The following STAG1 variants were observed in gnomAD, a reference collection of about 807,000 sequenced individuals.
The protein encoded by STAG1 is cohesin subunit SA-1.
Under a neutral mutation model 170.9 loss-of-function variants are expected in STAG1, and 26 were observed. That is an observed-to-expected ratio of 0.15 (90% CI 0.11 to 0.21). STAG1 has a LOEUF of 0.21. Among genes scored for constraint, STAG1 ranks in the 10% least tolerant of loss-of-function variants. STAG1 has a pLI of 1.00. For synonymous variants in STAG1, 514 were observed against 497.7 expected (o/e 1.03, Z -0.44); for missense variants, 964 against 1,509.5 (o/e 0.64, Z 5.99).
At chr3:136,690,562 T>C (rs746484406) in intron 1 of STAG1, among the ~76,000 whole-genome samples, 2 of 152,094 alleles carry the variant, frequency 1.3e-5, no homozygotes, top group Non-Finnish European at 2.9e-5. Context: ...CTATAACATT[T>C]TACAATCATG....
chr3:136,515,540 G>C (rs1934327652), intron 7 of STAG1, among the ~76,000 whole-genome samples: 1 of 152,064 alleles, frequency 6.6e-6, no homozygotes, highest in Non-Finnish European at 1.5e-5. Flanking sequence ...TAAAGACGAA[G>C]AAAGGCACAG....
intron 1 of STAG1, among the ~76,000 whole-genome samples, chr3:136,663,208 G>A (rs751996986): frequency 6.6e-6 from 1 of 152,066 alleles, no homozygotes; most frequent in Non-Finnish European, 1.5e-5. Context: ...GTATGGATGA[G>A]TATAGTTATG....
chr3:136,365,042 A>G (rs1003155351), intron 25 of STAG1, among the ~76,000 whole-genome samples: 8 of 152,210 alleles, frequency 5.3e-5, no homozygotes, highest in East Asian at 1.9e-4. Context: ...ACATAGCCAT[A>G]TATCAGAAGA....
At position 136,337,668 on chromosome 3, in the gene STAG1, A is replaced by G. The variant is rs1460610167; in HGVS notation, c.*586T>C. Reference sequence around the variant, plus strand: ...GTGTGGTTTTTGGCAGAGATGTACTATGTCAGAATTTCATCTTAGCTTGTC... The same window carrying G: ...GTGTGGTTTTTGGCAGAGATGTACTGTGTCAGAATTTCATCTTAGCTTGTC... On this transcript the variant is annotated 3_prime_UTR_variant, in exon 34 of 34. Coordinates refer to ENST00000383202, the MANE Select transcript of STAG1 (RefSeq NM_005862.3). 6.5e-6 allele frequency: 1 copy of G among 152,672 alleles called. No homozygotes were observed. The highest frequency in any genetic ancestry group is 1.5e-5 in the Non-Finnish European group (1 of 68,038). 9.5% of individuals were successfully genotyped at this position (152,672 alleles called of 1,614,324 possible). A position where few individuals can be genotyped will look rare whatever the true frequency, so the allele number is the denominator to read the frequency against.
chr3:136,525,779 G>C (rs529036777), intron 6 of STAG1, among the ~76,000 whole-genome samples: 16 of 152,336 alleles, frequency 1.1e-4, no homozygotes, highest in African/African-American at 3.8e-4. Context: ...GTGTCCCAGA[G>C]ATTCTGGTAT....
intron 6 of STAG1, among the ~76,000 whole-genome samples, chr3:136,533,207 G>A (rs1163670383): frequency 4.6e-5 from 7 of 151,930 alleles, no homozygotes; most frequent in African/African-American, 1.7e-4. Context: ...CTAAAGTGAA[G>A]GATCTCTATA....
At chr3:136,493,669 A>C (rs944441850) in intron 9 of STAG1, among the ~76,000 whole-genome samples, 1 of 151,538 alleles carries the variant, frequency 6.6e-6, no homozygotes, top group Non-Finnish European at 1.5e-5. Flanking sequence ...AAAAAAAAAA[A>C]AAAAACAACA....
At chr3:136,680,251 A>C (rs1486016682) in intron 1 of STAG1, among the ~76,000 whole-genome samples, 1 of 152,204 alleles carries the variant, frequency 6.6e-6, no homozygotes, top group Non-Finnish European at 1.5e-5. Context: ...TCAGAGCGAG[A>C]CCCTGTCTCA....
At chr3:136,493,798 A>G (rs1014769970) in intron 9 of STAG1, among the ~76,000 whole-genome samples, 1 of 151,424 alleles carries the variant, frequency 6.6e-6, no homozygotes, top group Non-Finnish European at 1.5e-5. Context: ...AAACTGAGAA[A>G]GACAAAAGAG....
chr3:136,581,271 G>C (rs1937585595), intron 4 of STAG1, among the ~76,000 whole-genome samples: 1 of 152,144 alleles, frequency 6.6e-6, no homozygotes, highest in African/African-American at 2.4e-5. Flanking sequence ...GAAGTTTTAT[G>C]ATACAATCTA....
intron 14 of STAG1, among the ~76,000 whole-genome samples, chr3:136,449,749 T>C (rs1041685097): frequency 6.6e-6 from 1 of 152,282 alleles, no homozygotes; most frequent in East Asian, 1.9e-4. Flanking sequence ...TAAGTACTCA[T>C]GCCTTTTAAT....
chr3:136,540,627 G>A (rs917338801), intron 6 of STAG1, among the ~76,000 whole-genome samples: 23 of 151,670 alleles, frequency 1.5e-4, no homozygotes, highest in African/African-American at 5.3e-4. Flanking sequence ...TTCCAGATCA[G>A]CCTGGACAAC....
intron 1 of STAG1, among the ~76,000 whole-genome samples, chr3:136,662,170 G>A (rs1941606112): frequency 7.1e-6 from 1 of 141,208 alleles, no homozygotes; most frequent in African/African-American, 2.7e-5. Flanking sequence ...TTTTTTTTTG[G>A]AGATGGAGTC....
At chr3:136,488,832 A>G (rs1337037122) in intron 9 of STAG1, among the ~76,000 whole-genome samples, 3 of 152,236 alleles carry the variant, frequency 2.0e-5, no homozygotes, top group Admixed American at 6.5e-5. Flanking sequence ...TGATATAAAC[A>G]TATTTCCTCA....
rs191238208 is a variant in STAG1, at chr3:136,617,742, T to C, written c.132+5404A>G. Reference sequence around the variant, plus strand: ...AGACATCTGCCACCACATTGTAACATGGTGGTTCCTATCACAACGCTGGGT... The same window carrying C: ...AGACATCTGCCACCACATTGTAACACGGTGGTTCCTATCACAACGCTGGGT... On this transcript the variant is annotated intron_variant, in intron 3 of 33. Transcript: ENST00000383202. Among the ~76,000 whole-genome samples, 328 of 152,246 alleles carry C rather than the reference T, an allele frequency of 2.2e-3. 1 individual carries two copies. Among genetic ancestry groups the C allele is most frequent in the Admixed American group, 3.4e-3 (52 of 15,288 alleles).
At chr3:136,549,628 T>C (rs1055831940) in intron 5 of STAG1, among the ~76,000 whole-genome samples, 2 of 150,124 alleles carry the variant, frequency 1.3e-5, no homozygotes, top group South Asian at 2.1e-4. Flanking sequence ...GATTATGTCA[T>C]CTGTTAACAG....
rs563168405 is a variant in STAG1 at position 136,477,420 on chromosome 3, G to A, written c.903-8C>T. ...ATCTCAGCAATAGCATCACTAGAGAGAGAAAAAAAAGACAATCTCAAATTA... is the reference window on the plus strand; with the variant it reads ...ATCTCAGCAATAGCATCACTAGAGAAAGAAAAAAAAGACAATCTCAAATTA... On this transcript the variant is annotated splice_region_variant and splice_polypyrimidine_tract_variant and intron_variant, in intron 9 of 33. Coordinates refer to ENST00000383202, the MANE Select transcript of STAG1 (RefSeq NM_005862.3). 9 of 1,584,822 alleles carry A rather than the reference G, an allele frequency of 5.7e-6. No homozygotes were observed. Among genetic ancestry groups the A allele is most frequent in the Middle Eastern group, 1.7e-4 (1 of 5,806 alleles).
intron 18 of STAG1, 72 bp downstream of exon 18, chr3:136,422,696 T>C (rs569782838): frequency 7.2e-5 from 109 of 1,523,782 alleles, no homozygotes; most frequent in Non-Finnish European, 9.5e-5. Flanking sequence ...ATAACAAGTC[T>C]ATAAGAGTAC....
intron 9 of STAG1, among the ~76,000 whole-genome samples, chr3:136,494,229 C>T (rs1391004554): frequency 6.6e-6 from 1 of 151,986 alleles, no homozygotes; most frequent in Non-Finnish European, 1.5e-5. Context: ...TGTGATTGTG[C>T]CACTGCACTC....
Sources: allele counts gnomAD v4.1 joint callset (sites outside exome capture counted in the v4.1 genomes callset), GRCh38; gene constraint gnomAD v4.1.1; transcripts MANE v1.5; gene names NCBI Gene and HGNC (gene_info 2026-07-23, HGNC 2026-07-21).